The following ANKS1B variants were observed in gnomAD, a reference collection of about 807,000 sequenced individuals.
The protein encoded by ANKS1B is ankyrin repeat and sterile alpha motif domain containing 1B.
In ANKS1B, 36 loss-of-function variants were observed where a neutral mutation model predicts 148.3. That is an observed-to-expected ratio of 0.24 (90% confidence interval 0.19 to 0.32). The LOEUF (loss-of-function observed/expected upper bound fraction) is 0.32, where lower values mean the gene tolerates loss of function less well. Among genes scored for constraint, ANKS1B ranks in the 10% least tolerant of loss-of-function variants. ANKS1B has a pLI of 1.00. For synonymous variants in ANKS1B, 542 were observed against 560.8 expected (o/e 0.97, Z 0.47); for missense variants, 1,157 against 1,542.6 (o/e 0.75, Z 4.19).
chr12:99,919,250 G>A (rs1235161142), intron 1 of ANKS1B, among the ~76,000 whole-genome samples: 1 of 152,086 alleles, frequency 6.6e-6, no homozygotes, highest in Non-Finnish European at 1.5e-5. Context: ...CTGCTATGTG[G>A]CCTAGGACAA....
At chr12:99,790,040 C>G (rs575036199) in intron 4 of ANKS1B, among the ~76,000 whole-genome samples, 1 of 151,902 alleles carries the variant, frequency 6.6e-6, no homozygotes, top group South Asian at 2.1e-4. Flanking sequence ...AGATGTAACC[C>G]AAAGAAGGCT....
chr12:99,148,858 A>T (rs1314712859), intron 15 of ANKS1B, among the ~76,000 whole-genome samples: 2 of 152,040 alleles, frequency 1.3e-5, no homozygotes, highest in African/African-American at 4.8e-5. Flanking sequence ...TTTTTCTTTC[A>T]AAAGTGGGTT....
intron 12 of ANKS1B, among the ~76,000 whole-genome samples, chr12:99,314,064 C>T (rs907687330): frequency 6.6e-6 from 1 of 152,162 alleles, no homozygotes; most frequent in Non-Finnish European, 1.5e-5. Flanking sequence ...GCAACTTCAG[C>T]AAAGTCTCAG....
intron 10 of ANKS1B, among the ~76,000 whole-genome samples, chr12:99,457,603 C>A (rs151091616): frequency 9.8e-4 from 149 of 152,124 alleles, no homozygotes; most frequent in African/African-American, 3.4e-3. Context: ...TGCAAATAGA[C>A]ACCAAAAGCA....
chr12:99,131,353 C>T (rs1173124666), intron 15 of ANKS1B, among the ~76,000 whole-genome samples: 1 of 152,162 alleles, frequency 6.6e-6, no homozygotes, highest in African/African-American at 2.4e-5. Flanking sequence ...GATTCCAGTT[C>T]TTAGTCATGT....
intron 9 of ANKS1B, among the ~76,000 whole-genome samples, chr12:99,619,456 T>C (rs1310265716): frequency 6.6e-6 from 1 of 151,462 alleles, no homozygotes; most frequent in Non-Finnish European, 1.5e-5. Context: ...TACAGGAGGC[T>C]CTCTCTGCTT....
chr12:98,899,582 G>A (rs78662053), intron 17 of ANKS1B, among the ~76,000 whole-genome samples: 2,604 of 152,206 alleles, frequency 0.017, 58 homozygotes, highest in African/African-American at 0.052. Context: ...ACCTGTGGAC[G>A]GCAGTTTCGG....
At chr12:99,335,319 C>T (rs1269688824) in intron 12 of ANKS1B, among the ~76,000 whole-genome samples, 1 of 151,892 alleles carries the variant, frequency 6.6e-6, no homozygotes, top group African/African-American at 2.4e-5. Context: ...TGAGGTATCC[C>T]TAATCTCAAG....
At chr12:99,018,124 C>T (rs1375460378) in intron 17 of ANKS1B, among the ~76,000 whole-genome samples, 1 of 152,140 alleles carries the variant, frequency 6.6e-6, no homozygotes, top group Non-Finnish European at 1.5e-5. Flanking sequence ...CTGCTATGGT[C>T]TGCATGTTTG....
At chr12:98,934,874 T>A (rs998362716) in intron 17 of ANKS1B, among the ~76,000 whole-genome samples, 3 of 151,972 alleles carry the variant, frequency 2.0e-5, no homozygotes, top group Admixed American at 1.3e-4. Flanking sequence ...GTTTTTTTTT[T>A]AAATGGAGTC....
chr12:99,851,918 C>G (rs534491994), intron 1 of ANKS1B, among the ~76,000 whole-genome samples: 1 of 152,262 alleles, frequency 6.6e-6, no homozygotes, highest in African/African-American at 2.4e-5. Context: ...CTGCTTCATT[C>G]GGATTGATAT....
intron 14 of ANKS1B, among the ~76,000 whole-genome samples, chr12:99,241,926 A>G (rs1601980365): frequency 6.6e-6 from 1 of 152,160 alleles, no homozygotes; most frequent in Non-Finnish European, 1.5e-5. Flanking sequence ...TTTATGACAA[A>G]CCCACAGCCA....
At chr12:99,138,693 G>T (rs977274221) in intron 15 of ANKS1B, among the ~76,000 whole-genome samples, 12 of 152,168 alleles carry the variant, frequency 7.9e-5, no homozygotes, top group Non-Finnish European at 1.2e-4. Flanking sequence ...CCCTAGGGTT[G>T]TCAATAGATC....
At chr12:99,467,289 G>T (rs4508292) in intron 10 of ANKS1B, among the ~76,000 whole-genome samples, 69,877 of 151,926 alleles carry the variant, frequency 0.46, 19,475 homozygotes, top group African/African-American at 0.8. Context: ...GGGTTGTATC[G>T]CAAAATAATA....
At chr12:98,771,705 C>T (rs943251255) in intron 25 of ANKS1B, among the ~76,000 whole-genome samples, 1 of 152,088 alleles carries the variant, frequency 6.6e-6, no homozygotes, top group African/African-American at 2.4e-5. Context: ...TCTTCAACTC[C>T]TGAGCTCAAG....
intron 1 of ANKS1B, among the ~76,000 whole-genome samples, chr12:99,852,641 T>C (rs1022946125): frequency 6.6e-6 from 1 of 152,142 alleles, no homozygotes; most frequent in African/African-American, 2.4e-5. Flanking sequence ...CAGAGCAGCA[T>C]GTGGAGACTC....
At chr12:99,361,593 C>T (rs2092465962) in intron 12 of ANKS1B, among the ~76,000 whole-genome samples, 2 of 152,030 alleles carry the variant, frequency 1.3e-5, no homozygotes, top group Non-Finnish European at 2.9e-5. Context: ...AGTTTGGAGT[C>T]AACCTTCTAG....
chr12:99,403,152 C>CTTTTT (rs143800860), intron 11 of ANKS1B, among the ~76,000 whole-genome samples: 27 of 73,158 alleles, frequency 3.7e-4, no homozygotes, highest in Non-Finnish European at 6.1e-4. Flanking sequence ...ACTTTTCTTT[C>CTTTTT]TTTTTTTTTT....
intron 14 of ANKS1B, among the ~76,000 whole-genome samples, chr12:99,210,242 C>G (rs997402874): frequency 6.6e-6 from 1 of 152,164 alleles, no homozygotes; most frequent in Non-Finnish European, 1.5e-5. Flanking sequence ...TAAACCCTGT[C>G]TTTGACAGTT....
Sources: gnomAD v4.1 joint callset for allele counts (sites outside exome capture counted in the v4.1 genomes callset) on GRCh38, gnomAD v4.1.1 for gene constraint, MANE v1.5 for transcripts, NCBI Gene and HGNC (gene_info 2026-07-23, HGNC 2026-07-21) for gene names.